SDK1: variants seen among roughly 807,000 people sequenced by gnomAD.
The protein encoded by SDK1 is protein sidekick-1.
In SDK1, 157 loss-of-function variants were observed where a neutral mutation model predicts 245.5. The ratio of observed to expected loss-of-function variants is 0.64; its 90% confidence interval spans 0.56 to 0.73. The LOEUF is 0.73. Ranked by LOEUF, SDK1 falls within the 30% of genes least tolerant of loss-of-function variation. The probability of loss-of-function intolerance (pLI) is 0.00; values close to 1 mark genes in which losing one functional copy is unlikely to be tolerated. For synonymous variants in SDK1, 1,647 were observed against 1,278.5 expected (o/e 1.29, Z -6.15); for missense variants, 3,583 against 3,002.3 (o/e 1.19, Z -4.52).
chr7:3,914,270 G>A (rs991668162), intron 5 of SDK1, among the ~76,000 whole-genome samples: 12 of 152,224 alleles, frequency 7.9e-5, no homozygotes, highest in African/African-American at 2.6e-4. Flanking sequence ...CTCATCCTAC[G>A]TTATTGTGTC....
At chr7:3,384,775 A>G (rs1324450894) in intron 1 of SDK1, among the ~76,000 whole-genome samples, 1 of 152,248 alleles carries the variant, frequency 6.6e-6, no homozygotes, top group Non-Finnish European at 1.5e-5. Flanking sequence ...ATACATCAAT[A>G]TGTACATTTG....
At chr7:3,626,127 A>G (rs1269061351) in intron 2 of SDK1, among the ~76,000 whole-genome samples, 7 of 147,840 alleles carry the variant, frequency 4.7e-5, no homozygotes, top group Non-Finnish European at 8.9e-5. Flanking sequence ...TTTTTTAGAC[A>G]CAGGGTCTTG....
intron 30 of SDK1, among the ~76,000 whole-genome samples, chr7:4,155,917 A>AGG (rs1300103517): frequency 1.3e-5 from 2 of 152,166 alleles, no homozygotes; most frequent in Non-Finnish European, 2.9e-5. Flanking sequence ...CAGAAGATGA[A>AGG]GGGAAGGAAC....
At chr7:3,594,847 C>A (rs554134987) in intron 1 of SDK1, among the ~76,000 whole-genome samples, 5 of 152,258 alleles carry the variant, frequency 3.3e-5, no homozygotes, top group African/African-American at 9.6e-5. Context: ...GTTTTAAAAT[C>A]AAGCATACTT....
At chr7:3,478,926 T>A (rs994511748) in intron 1 of SDK1, among the ~76,000 whole-genome samples, 1 of 152,206 alleles carries the variant, frequency 6.6e-6, no homozygotes, top group African/African-American at 2.4e-5. Flanking sequence ...GATTTCTTCT[T>A]TAATCAGTGG....
chr7:4,202,091 T>C (rs573831111), intron 35 of SDK1, among the ~76,000 whole-genome samples: 4 of 152,306 alleles, frequency 2.6e-5, no homozygotes, highest in Non-Finnish European at 4.4e-5. Flanking sequence ...TGTTCTACTT[T>C]CCAGGAAACA....
intron 4 of SDK1, among the ~76,000 whole-genome samples, chr7:3,729,215 C>T (rs1384047684): frequency 1.3e-5 from 2 of 152,134 alleles, no homozygotes; most frequent in Middle Eastern, 3.2e-3. Flanking sequence ...AGGAAAACAT[C>T]ATTTTGTTTT....
chr7:3,869,623 C>G (rs1474225877), intron 5 of SDK1, among the ~76,000 whole-genome samples: 1 of 152,176 alleles, frequency 6.6e-6, no homozygotes, highest in South Asian at 2.1e-4. Context: ...GCTCAGCACT[C>G]GGCTTCCACA....
chr7:4,141,419 G>T (rs1779574968), intron 28 of SDK1, among the ~76,000 whole-genome samples: 1 of 152,124 alleles, frequency 6.6e-6, no homozygotes, highest in Non-Finnish European at 1.5e-5. Flanking sequence ...GAATAATCTG[G>T]GCAGAGATAA....
intron 4 of SDK1, among the ~76,000 whole-genome samples, chr7:3,812,934 A>T (rs1779420608): frequency 6.6e-6 from 1 of 152,098 alleles, no homozygotes; most frequent in East Asian, 1.9e-4. Context: ...AGGTTTCCCA[A>T]ATTCTTTCTT....
chr7:3,555,868 A>T (rs1379843572), intron 1 of SDK1, among the ~76,000 whole-genome samples: 2 of 152,218 alleles, frequency 1.3e-5, no homozygotes, highest in African/African-American at 4.8e-5. Context: ...ACAACAAGGT[A>T]TCATCTCACT....
chr7:4,050,740 C>T (rs1036092576), intron 18 of SDK1, among the ~76,000 whole-genome samples: 1 of 151,510 alleles, frequency 6.6e-6, no homozygotes, highest in South Asian at 2.1e-4. Flanking sequence ...TCATGGATGT[C>T]TTTTTTGAGA....
intron 1 of SDK1, among the ~76,000 whole-genome samples, chr7:3,499,467 G>C (rs564448634): frequency 6.6e-6 from 1 of 152,214 alleles, no homozygotes; most frequent in South Asian, 2.1e-4. Flanking sequence ...CCCAACTTCA[G>C]GTTAACAACA....
At chr7:3,829,172 GTTC>G (rs1465386043) in intron 5 of SDK1, among the ~76,000 whole-genome samples, 1 of 152,092 alleles carries the variant, frequency 6.6e-6, no homozygotes, top group African/African-American at 2.4e-5. Flanking sequence ...CAGAAATTAT[GTTC>G]TTTTTAGTCC....
rs186944575 is a variant in SDK1, at chr7:3,781,520, A to T, written c.714-39930A>T. 3.3e-5 allele frequency among the ~76,000 whole-genome samples: 5 copies of T among 152,334 alleles called. No individual in the cohort carries two copies. In the East Asian group the frequency reaches 9.6e-4, roughly 29 times the overall value. On this transcript the variant is annotated intron_variant, in intron 4 of 44. Transcript: ENST00000404826. ...ATAACACAAGGATTACAATGACTCA[A>T]GGGAATCATGACACCTGCAAAGAAA...
At chr7:3,721,297 T>G (rs1412045893) in intron 4 of SDK1, among the ~76,000 whole-genome samples, 1 of 152,228 alleles carries the variant, frequency 6.6e-6, no homozygotes, top group Non-Finnish European at 1.5e-5. Flanking sequence ...TCTCTATGAA[T>G]TCTCCCAACA....
At chr7:4,165,334 G>A (rs754465428) in intron 32 of SDK1, among the ~76,000 whole-genome samples, 1 of 152,090 alleles carries the variant, frequency 6.6e-6, no homozygotes, top group Non-Finnish European at 1.5e-5. Flanking sequence ...ACTCCAGCCT[G>A]GGCAACAACA....
intron 2 of SDK1, among the ~76,000 whole-genome samples, chr7:3,634,761 G>A (rs1160242923): frequency 2.0e-5 from 3 of 152,116 alleles, no homozygotes; most frequent in Non-Finnish European, 4.4e-5. Context: ...TTTTTCCTTG[G>A]TGAGACATTA....
chr7:3,476,253 C>T (rs748238845), intron 1 of SDK1, among the ~76,000 whole-genome samples: 17 of 152,172 alleles, frequency 1.1e-4, no homozygotes, highest in Admixed American at 3.3e-4. Flanking sequence ...TCTTTAATGC[C>T]AGTGACTTGA....
Sources: allele counts gnomAD v4.1 joint callset (sites outside exome capture counted in the v4.1 genomes callset), GRCh38; gene constraint gnomAD v4.1.1; transcripts MANE v1.5; gene names NCBI Gene and HGNC (gene_info 2026-07-23, HGNC 2026-07-21).